UBE2E2: variants seen among roughly 807,000 people sequenced by gnomAD.
UBE2E2 encodes ubiquitin-conjugating enzyme E2 E2.
UBE2E2 carries 6 observed loss-of-function variants against 24.7 expected under a neutral mutation model. The ratio of observed to expected loss-of-function variants is 0.24; its 90% confidence interval spans 0.13 to 0.48. The LOEUF is 0.48. Among genes scored for constraint, UBE2E2 ranks in the 20% least tolerant of loss-of-function variants. The pLI is 0.99. For synonymous variants in UBE2E2, 104 were observed against 83.6 expected (o/e 1.24, Z -1.33); for missense variants, 169 against 245.0 (o/e 0.69, Z 2.07).
intron 3 of UBE2E2, among the ~76,000 whole-genome samples, chr3:23,430,203 T>C (rs1698025911): frequency 6.6e-6 from 1 of 152,202 alleles, no homozygotes; most frequent in Non-Finnish European, 1.5e-5. Flanking sequence ...GGATCTTATC[T>C]CTGCCACCTT....
chr3:23,423,735 G>A (rs1179751957), intron 3 of UBE2E2, among the ~76,000 whole-genome samples: 3 of 152,136 alleles, frequency 2.0e-5, no homozygotes, highest in South Asian at 2.1e-4. Flanking sequence ...TTTTCAAAAT[G>A]TATGGAGTCT....
At chr3:23,323,536 A>T in intron 3 of UBE2E2, 1 of 452,400 alleles carries the variant, frequency 2.2e-6, no homozygotes, top group Non-Finnish European at 4.4e-6. Context: ...CACTGAAAGG[A>T]AATGCTCATT....
At chr3:23,475,656 G>A (rs1699114985) in intron 3 of UBE2E2, among the ~76,000 whole-genome samples, 1 of 151,998 alleles carries the variant, frequency 6.6e-6, no homozygotes, top group African/African-American at 2.4e-5. Context: ...TTCAGGAAAT[G>A]GTAATTTATT....
intron 3 of UBE2E2, among the ~76,000 whole-genome samples, chr3:23,242,776 A>G (rs989043948): frequency 1.3e-5 from 2 of 152,174 alleles, no homozygotes; most frequent in African/African-American, 4.8e-5. Context: ...ATAACATGCC[A>G]TAATTGCTTT....
Position 23,472,500 on chromosome 3 carries a change from G to A in UBE2E2, c.228-27108G>A, listed in dbSNP as rs73821817. On this transcript the variant is annotated intron_variant, in intron 3 of 5. Coordinates refer to ENST00000396703, the MANE Select transcript of UBE2E2 (RefSeq NM_152653.4). ...CTTTTTTCACTGATTTGTCAGCTAG[G>A]TACAAAGGATCCAGCAAAGTATTCT... Among the ~76,000 whole-genome samples the A allele has an allele frequency of 6.8e-3, 1,029 of 152,152 alleles. 14 individuals are homozygous for A. Among genetic ancestry groups the A allele is most frequent in the African/African-American group, 0.024 (986 of 41,492 alleles).
chr3:23,491,160 T>C (rs1275151198), intron 3 of UBE2E2, among the ~76,000 whole-genome samples: 1 of 152,096 alleles, frequency 6.6e-6, no homozygotes, highest in East Asian at 1.9e-4. Context: ...GCAGTATTGG[T>C]TTTTTAAAAA....
chr3:23,362,828 C>G (rs114522025), intron 3 of UBE2E2, among the ~76,000 whole-genome samples: 2,167 of 152,252 alleles, frequency 0.014, 52 homozygotes, highest in African/African-American at 0.05. Flanking sequence ...GGCAAACAGT[C>G]CCACATCTGT....
At chr3:23,497,140 C>T (rs1699618367) in intron 3 of UBE2E2, among the ~76,000 whole-genome samples, 1 of 152,128 alleles carries the variant, frequency 6.6e-6, no homozygotes, top group African/African-American at 2.4e-5. Context: ...GGCAGCTAAC[C>T]ACAACTACAG....
At chr3:23,339,217 A>G (rs1381201962) in intron 3 of UBE2E2, among the ~76,000 whole-genome samples, 3 of 152,188 alleles carry the variant, frequency 2.0e-5, no homozygotes, top group Non-Finnish European at 4.4e-5. Context: ...CCATGCTACA[A>G]ATTATTGACT....
At chr3:23,426,974 C>T (rs1697941581) in intron 3 of UBE2E2, among the ~76,000 whole-genome samples, 1 of 151,682 alleles carries the variant, frequency 6.6e-6, no homozygotes, top group Admixed American at 6.6e-5. Flanking sequence ...ACAATGGTAC[C>T]AGGGATGAGA....
chr3:23,268,522 A>C (rs1173218591), intron 3 of UBE2E2, among the ~76,000 whole-genome samples: 5 of 148,814 alleles, frequency 3.4e-5, no homozygotes, highest in Admixed American at 3.3e-4. Context: ...TTCAAGGAGA[A>C]CCACAAACCA....
At chr3:23,284,522 T>C (rs1410548631) in intron 3 of UBE2E2, among the ~76,000 whole-genome samples, 1 of 144,044 alleles carries the variant, frequency 6.9e-6, no homozygotes, top group African/African-American at 2.5e-5. Flanking sequence ...TTATTATGAT[T>C]ATTATTTTTT....
At chr3:23,521,576 C>T (rs1463740807) in intron 4 of UBE2E2, among the ~76,000 whole-genome samples, 1 of 152,174 alleles carries the variant, frequency 6.6e-6, no homozygotes. Context: ...GTTTGTTATT[C>T]AAGAGCAATT....
At chr3:23,499,555 T>C in intron 3 of UBE2E2, 53 bp from the exon 4 acceptor site, 1 of 1,571,866 alleles carries the variant, frequency 6.4e-7, no homozygotes, top group Non-Finnish European at 8.6e-7. Flanking sequence ...TTTTGTTAAA[T>C]TCCAGCCTTT....
intron 3 of UBE2E2, among the ~76,000 whole-genome samples, chr3:23,464,465 A>ACTAT (rs1354993679): frequency 1.3e-5 from 2 of 152,158 alleles, no homozygotes; most frequent in Non-Finnish European, 2.9e-5. Context: ...AATACAGGAT[A>ACTAT]CTATTCTAAA....
chr3:23,324,480 C>T (rs966628581), intron 3 of UBE2E2, among the ~76,000 whole-genome samples: 2 of 152,042 alleles, frequency 1.3e-5, no homozygotes, highest in Non-Finnish European at 2.9e-5. Context: ...TCTGCCTTTC[C>T]TCTCTTTCTT....
intron 5 of UBE2E2, among the ~76,000 whole-genome samples, chr3:23,548,935 G>A (rs1471233421): frequency 2.0e-5 from 3 of 152,060 alleles, no homozygotes; most frequent in South Asian, 4.1e-4. Context: ...GGCAAGAATG[G>A]CCCCATCAGC....
At chr3:23,484,183 C>G (rs1052388664) in intron 3 of UBE2E2, among the ~76,000 whole-genome samples, 1 of 152,212 alleles carries the variant, frequency 6.6e-6, no homozygotes, top group Non-Finnish European at 1.5e-5. Flanking sequence ...GTGCCTTTAG[C>G]CTGTTATGCT....
chr3:23,568,076 C>T (rs963656525), intron 5 of UBE2E2, among the ~76,000 whole-genome samples: 1 of 152,206 alleles, frequency 6.6e-6, no homozygotes, highest in Admixed American at 6.5e-5. Flanking sequence ...TGTGACTCAC[C>T]AGACTCCCTT....
Sources: gnomAD v4.1 joint callset for allele counts (sites outside exome capture counted in the v4.1 genomes callset) on GRCh38, gnomAD v4.1.1 for gene constraint, MANE v1.5 for transcripts, NCBI Gene and HGNC (gene_info 2026-07-23, HGNC 2026-07-21) for gene names.